Variants in DACH1 observed in about 807,000 individuals in gnomAD.
DACH1 encodes dachshund family transcription factor 1.
DACH1 carries 12 observed loss-of-function variants against 54.2 expected under a neutral mutation model. That is an observed-to-expected ratio of 0.22 (90% CI 0.14 to 0.36). DACH1 has a LOEUF of 0.36. Among genes scored for constraint, DACH1 ranks in the 10% least tolerant of loss-of-function variants. The pLI, the probability that DACH1 is intolerant of heterozygous loss-of-function variation, is 1.00. For missense variants in DACH1, 805 were observed against 929.8 expected (o/e 0.87, Z 1.75); for synonymous variants, 386 against 366.2 (o/e 1.05, Z -0.62).
intron 4 of DACH1, among the ~76,000 whole-genome samples, chr13:71,564,352 C>G (rs369056296): frequency 1.3e-4 from 20 of 151,824 alleles, no homozygotes; most frequent in African/African-American, 4.8e-4. Context: ...TACTTCAACA[C>G]ACTCCTTTAT....
chr13:71,824,091 A>T (rs1888292977), intron 1 of DACH1, among the ~76,000 whole-genome samples: 1 of 151,950 alleles, frequency 6.6e-6, no homozygotes, highest in Admixed American at 6.6e-5. Context: ...TATTCAATTT[A>T]AAAAATAATA....
At chr13:71,540,270 T>C (rs1345412820) in intron 6 of DACH1, among the ~76,000 whole-genome samples, 1 of 152,052 alleles carries the variant, frequency 6.6e-6, no homozygotes, top group Non-Finnish European at 1.5e-5. Flanking sequence ...AGGCAAAGTC[T>C]GCTATAACAA....
At chr13:71,756,435 C>A (rs1404078433) in intron 1 of DACH1, among the ~76,000 whole-genome samples, 2 of 151,978 alleles carry the variant, frequency 1.3e-5, no homozygotes, top group Middle Eastern at 3.4e-3. Flanking sequence ...AACATCCACC[C>A]TCATTTATCC....
chr13:71,546,665 G>A (rs1015694053), intron 6 of DACH1, among the ~76,000 whole-genome samples: 11 of 151,828 alleles, frequency 7.2e-5, no homozygotes, highest in Non-Finnish European at 1.5e-4. Flanking sequence ...AACTATCAAG[G>A]CTATAAAGAT....
chr13:71,559,829 C>T lies in DACH1; in HGVS notation c.1426G>A (p.Asp476Asn). Residue 476 changes from aspartate (D) to asparagine (N), a missense_variant, in exon 5 of 11, where the codon GAC becomes AAC. By Grantham distance (23) the Asp-to-Asn change is conservative. Coordinates refer to ENST00000613252, the MANE Select transcript of DACH1 (RefSeq NM_080759.6). Reference sequence around the variant, plus strand: ...GAAGTATGAGACCTACGGATTCTGTCAGAAGAGCTCTCAGTCCGAGCAGGG... The same window carrying T: ...GAAGTATGAGACCTACGGATTCTGTTAGAAGAGCTCTCAGTCCGAGCAGGG... ...SSPARTESSS[D>N]RIPVHQNGLS... 4 of 1,613,690 alleles carry T rather than the reference C, an allele frequency of 2.5e-6. No individual in the cohort carries two copies. The highest frequency in any genetic ancestry group is 3.4e-6 in the Non-Finnish European group (4 of 1,179,898).
chr13:71,620,448 G>T, intron 3 of DACH1, among the ~76,000 whole-genome samples: 1 of 151,696 alleles, frequency 6.6e-6, no homozygotes, highest in Non-Finnish European at 1.5e-5. Flanking sequence ...TTTCCCCTCA[G>T]CTCTATTATA....
intron 2 of DACH1, among the ~76,000 whole-genome samples, chr13:71,666,343 G>A (rs1370310042): frequency 3.9e-5 from 6 of 152,054 alleles, no homozygotes; most frequent in Admixed American, 3.9e-4. Flanking sequence ...CAATTATTTG[G>A]AAGCAAATTT....
At chr13:71,493,816 G>A (rs918167144) in intron 6 of DACH1, among the ~76,000 whole-genome samples, 1 of 151,976 alleles carries the variant, frequency 6.6e-6, no homozygotes, top group African/African-American at 2.4e-5. Context: ...TATCAGTTTG[G>A]AGTTAGAAAT....
chr13:71,544,101 G>T (rs184646538), intron 6 of DACH1, among the ~76,000 whole-genome samples: 1 of 152,172 alleles, frequency 6.6e-6, no homozygotes, highest in Non-Finnish European at 1.5e-5. Context: ...TCTTTCTCTA[G>T]AATCATCCCA....
At position 71,557,070 on chromosome 13, in the gene DACH1, G is replaced by A. The variant is rs752960276; in HGVS notation, c.1524C>T (p.Ala508=). The A allele has an allele frequency of 5.6e-5, 90 of 1,610,250 alleles. No individual in the cohort carries two copies. The highest frequency in any genetic ancestry group is 6.9e-5 in the Non-Finnish European group (81 of 1,178,212). Residue 508 remains alanine, a synonymous_variant, in exon 6 of 11, where the codon GCC becomes GCT. Coordinates refer to ENST00000613252, the MANE Select transcript of DACH1 (RefSeq NM_080759.6). ...VLPGPKEGDL[A]GHDMGHESKR... is the part of the protein sequence containing the mutation. ...TTGACTCATGTCCCATGTCATGACC[G>A]GCCAAATCTCCCTCTTTGGGCCCAG...
At chr13:71,525,076 G>C (rs1167527944) in intron 6 of DACH1, among the ~76,000 whole-genome samples, 7 of 152,062 alleles carry the variant, frequency 4.6e-5, no homozygotes, top group Non-Finnish European at 1.5e-5. Context: ...CCAATTCACT[G>C]TGTCACTTTG....
chr13:71,474,247 T>A (rs1037578242), intron 10 of DACH1, among the ~76,000 whole-genome samples: 4 of 152,168 alleles, frequency 2.6e-5, no homozygotes, highest in Non-Finnish European at 5.9e-5. Context: ...ATATTTCCTT[T>A]ACACTAAGCC....
chr13:71,673,720 G>A (rs552618793), intron 2 of DACH1, among the ~76,000 whole-genome samples: 71 of 151,926 alleles, frequency 4.7e-4, no homozygotes, highest in South Asian at 2.1e-4. Context: ...GTAACAAACC[G>A]GCACGTTCTG....
intron 3 of DACH1, among the ~76,000 whole-genome samples, chr13:71,574,251 C>T (rs921289369): frequency 1.3e-5 from 2 of 152,072 alleles, no homozygotes; most frequent in Non-Finnish European, 2.9e-5. Context: ...TATTAGAACA[C>T]TCCTTGGAAG....
rs375874293 is a variant in DACH1 at position 71,741,315 on chromosome 13, G to A, written c.849-59405C>T. Among the ~76,000 whole-genome samples, 189 of 152,226 alleles carry A rather than the reference G, an allele frequency of 1.2e-3. 2 individuals carry two copies. The highest frequency in any genetic ancestry group is 4.4e-3 in the African/African-American group (181 of 41,540). On this transcript the variant is annotated intron_variant, in intron 1 of 10. Coordinates refer to ENST00000613252, the MANE Select transcript of DACH1 (RefSeq NM_080759.6). ...GAGAAGAAAAGAAAAATGCCCACAA[G>A]GAAATGCCTTATCAGATACTGCTAA...
intron 1 of DACH1, among the ~76,000 whole-genome samples, chr13:71,819,119 T>A (rs1222522312): frequency 6.6e-6 from 1 of 152,162 alleles, no homozygotes; most frequent in Non-Finnish European, 1.5e-5. Flanking sequence ...AACCAGTTGC[T>A]GCAATTGGAA....
intron 6 of DACH1, among the ~76,000 whole-genome samples, chr13:71,512,719 T>C (rs1880873177): frequency 6.6e-6 from 1 of 151,944 alleles, no homozygotes. Context: ...TATAAGGAAT[T>C]GCACAAATAA....
intron 8 of DACH1, among the ~76,000 whole-genome samples, chr13:71,476,573 C>T (rs1877538238): frequency 6.6e-6 from 1 of 151,788 alleles, no homozygotes; most frequent in African/African-American, 2.4e-5. Context: ...AGTATGAACC[C>T]CCATTGCTAA....
intron 10 of DACH1, among the ~76,000 whole-genome samples, chr13:71,453,020 GGTAAA>G (rs1205251468): frequency 2.0e-5 from 3 of 152,104 alleles, no homozygotes; most frequent in African/African-American, 7.2e-5. Context: ...GAAATGCTTT[GGTAAA>G]GTATTTTTGT....
Sources: allele counts gnomAD v4.1 joint callset (sites outside exome capture counted in the v4.1 genomes callset), GRCh38; gene constraint gnomAD v4.1.1; transcripts MANE v1.5; gene names NCBI Gene and HGNC (gene_info 2026-07-23, HGNC 2026-07-21).